The following MGAT4C variants were observed in gnomAD, a reference collection of about 807,000 sequenced individuals.
MGAT4C encodes the protein MGAT4 family member C.
In MGAT4C, 19 loss-of-function variants were observed where a neutral mutation model predicts 40.1. The observed-to-expected ratio is 0.47, with a 90% CI of 0.33 to 0.70. The LOEUF is 0.70. MGAT4C is among the 30% of genes least tolerant of loss of function. The probability of loss-of-function intolerance (pLI) is 0.02; values close to 1 mark genes in which losing one functional copy is unlikely to be tolerated. For synonymous variants in MGAT4C, 181 were observed against 187.1 expected (o/e 0.97, Z 0.27); for missense variants, 491 against 563.2 (o/e 0.87, Z 1.30).
intron 1 of MGAT4C, among the ~76,000 whole-genome samples, chr12:86,791,956 G>A (rs78055515): frequency 2.9e-3 from 439 of 152,244 alleles, no homozygotes; most frequent in African/African-American, 0.01. Context: ...GAGGGGAGAC[G>A]GGGCAAAATT....
At chr12:86,231,279 G>A (rs923021166) in intron 1 of MGAT4C, among the ~76,000 whole-genome samples, 1 of 152,144 alleles carries the variant, frequency 6.6e-6, no homozygotes, top group African/African-American at 2.4e-5. Flanking sequence ...AGCTAAAAGA[G>A]ATAACTTATC....
At chr12:86,579,628 T>C (rs964659993) in intron 2 of MGAT4C, among the ~76,000 whole-genome samples, 2 of 151,600 alleles carry the variant, frequency 1.3e-5, no homozygotes, top group Admixed American at 6.6e-5. Flanking sequence ...TTTTTCTGTG[T>C]ACTTACTATT....
rs139606603 is a variant in MGAT4C at position 86,506,395 on chromosome 12, T to C, written c.-228-71130A>G. 1.8e-3 allele frequency among the ~76,000 whole-genome samples: 268 copies of C among 152,294 alleles called. 1 individual carries two copies. The highest frequency in any genetic ancestry group is 2.8e-3 in the Non-Finnish European group (188 of 68,020). On this transcript the variant is annotated intron_variant, in intron 2 of 7. Transcript: ENST00000548651. ...GGAAATCAAAGAAAACCAGAAATTA[T>C]TGGCAGAGATTGGGAATTTCTGAAA...
chr12:86,322,365 A>C (rs936160698), intron 4 of MGAT4C, among the ~76,000 whole-genome samples: 1 of 151,876 alleles, frequency 6.6e-6, no homozygotes, highest in African/African-American at 2.4e-5. Context: ...TAGAACTTAA[A>C]GTAAAAAAAA....
intron 2 of MGAT4C, among the ~76,000 whole-genome samples, chr12:86,673,971 T>C (rs1462930800): frequency 6.6e-6 from 1 of 152,022 alleles, no homozygotes; most frequent in African/African-American, 2.4e-5. Flanking sequence ...TGATAAATGA[T>C]GGCATTGCAC....
At position 85,989,548 on chromosome 12, in the gene MGAT4C, C is replaced by A; in HGVS notation, c.-2G>T. On this transcript the variant is annotated 5_prime_UTR_variant, in exon 3 of 5. Transcript: ENST00000611864. ...TTTCATTTGATGAAATTTAAACATT[C>A]TCTTCTGTGGAAAAGAGACACAGAA... 3 of 1,592,576 alleles carry A rather than the reference C, an allele frequency of 1.9e-6. No individual in the cohort carries two copies. Among genetic ancestry groups the A allele is most frequent in the African/African-American group, 2.7e-5 (2 of 74,214 alleles).
At chr12:86,805,832 C>T (rs1486820429) in intron 1 of MGAT4C, among the ~76,000 whole-genome samples, 1 of 152,042 alleles carries the variant, frequency 6.6e-6, no homozygotes, top group Non-Finnish European at 1.5e-5. Flanking sequence ...AATTTACCTT[C>T]CCACCAGCAG....
chr12:86,641,780 A>G (rs1344966138), intron 2 of MGAT4C, among the ~76,000 whole-genome samples: 1 of 151,822 alleles, frequency 6.6e-6, no homozygotes, highest in Non-Finnish European at 1.5e-5. Flanking sequence ...GCAAAAAAGG[A>G]GTATAATATA....
In MGAT4C at chr12:86,833,190, C is replaced by T. The variant is rs1362922118; in HGVS notation, c.-262+5476G>A. Reference sequence around the variant, plus strand: ...GGAAATTTGATCAAACTTTGAAAGGCTTTGAAAGTCCTTGGATATCCTAGG... The same window carrying T: ...GGAAATTTGATCAAACTTTGAAAGGTTTTGAAAGTCCTTGGATATCCTAGG... On this transcript the variant is annotated intron_variant, in intron 1 of 7. Transcript: ENST00000548651. Among the ~76,000 whole-genome samples, 7 of 151,856 alleles carry T rather than the reference C, an allele frequency of 4.6e-5. No individual in the cohort carries two copies. The East Asian group carries it at 1.4e-3, about 30-fold the overall frequency.
intron 1 of MGAT4C, among the ~76,000 whole-genome samples, chr12:86,803,997 C>A (rs1952289407): frequency 7.9e-6 from 1 of 125,796 alleles, no homozygotes; most frequent in Non-Finnish European, 1.7e-5. Flanking sequence ...TTCACAATAG[C>A]AAAGACTTGG....
At chr12:86,562,368 C>A (rs1375394006) in intron 2 of MGAT4C, among the ~76,000 whole-genome samples, 2 of 152,072 alleles carry the variant, frequency 1.3e-5, no homozygotes, top group Admixed American at 6.5e-5. Context: ...TGGGACCCTG[C>A]CACTTGGAAT....
rs533724752 is a variant in MGAT4C at position 86,211,371 on chromosome 12, G to A, written c.-57+44868C>T. On this transcript the variant is annotated intron_variant, in intron 1 of 4. Coordinates refer to ENST00000611864, the MANE Select transcript of MGAT4C (RefSeq NM_001351288.2). The stretch of plus-strand genomic sequence containing the variant: ...AGGTCAAGAGATCAAGACCATCCTG[G>A]CTAACACAGTGAAACCCTGTCTCTA... Among the ~76,000 whole-genome samples the A allele has an allele frequency of 2.5e-5, 3 of 120,812 alleles. No individual in the cohort carries two copies. In the South Asian group the frequency reaches 8.8e-4, roughly 35 times the overall value. 79.3% of individuals were successfully genotyped at this position (120,812 alleles called of 152,430 possible). A position where few individuals can be genotyped will look rare whatever the true frequency, so the allele number is the denominator to read the frequency against.
chr12:86,727,483 C>T (rs1950841060), intron 1 of MGAT4C, among the ~76,000 whole-genome samples: 1 of 151,738 alleles, frequency 6.6e-6, no homozygotes, highest in African/African-American at 2.4e-5. Context: ...AGGAAATGTT[C>T]TCAGATTTAC....
chr12:86,690,449 C>G (rs1047800433), intron 2 of MGAT4C, among the ~76,000 whole-genome samples: 1 of 152,114 alleles, frequency 6.6e-6, no homozygotes, highest in Non-Finnish European at 1.5e-5. Flanking sequence ...GGTGTAGGCA[C>G]CCGAGAGAAT....
chr12:86,145,477 C>G (rs1359799425), intron 1 of MGAT4C, among the ~76,000 whole-genome samples: 1 of 152,148 alleles, frequency 6.6e-6, no homozygotes, highest in Non-Finnish European at 1.5e-5. Flanking sequence ...AGCAGATTCT[C>G]AAACCTTTCT....
In MGAT4C at chr12:86,762,870, A is replaced by AT. The variant is rs1226616078; in HGVS notation, c.-261-35630dup. ...ATGATGCTCAATGCTCCATTCTGCC[A>AT]TTTTCAAATGAAAAGCAAATACAAG... is the stretch of plus-strand genomic sequence containing the variant. On this transcript the variant is annotated intron_variant, in intron 1 of 7. Coordinates refer to the MGAT4C transcript ENST00000548651. 2.0e-5 allele frequency among the ~76,000 whole-genome samples: 3 copies of AT among 152,304 alleles called. No homozygotes were observed. The East Asian group carries it at 5.8e-4, about 29-fold the overall frequency.
intron 3 of MGAT4C, among the ~76,000 whole-genome samples, chr12:86,388,664 C>G (rs1275181486): frequency 2.0e-5 from 3 of 148,800 alleles, no homozygotes; most frequent in African/African-American, 7.5e-5. Context: ...ATAAACACTT[C>G]AGCGTTTTTT....
rs1037736489 is a variant in MGAT4C, at chr12:86,562,362, A to G, written c.-228-127097T>C. ...AGGGCACTGGTTGGAAAAGAATGGG[A>G]CCCTGCCACTTGGAATTGGGACAGG... is the stretch of plus-strand genomic sequence containing the variant. On this transcript the variant is annotated intron_variant, in intron 2 of 7. Transcript: ENST00000548651. Among the ~76,000 whole-genome samples, 21 of 152,048 alleles carry G rather than the reference A, an allele frequency of 1.4e-4. 1 individual carries two copies. The highest frequency in any genetic ancestry group is 6.8e-3 in the Middle Eastern group (2 of 294).
intron 2 of MGAT4C, among the ~76,000 whole-genome samples, chr12:86,650,438 G>A (rs1275978844): frequency 6.6e-6 from 1 of 151,832 alleles, no homozygotes; most frequent in Non-Finnish European, 1.5e-5. Context: ...CCTGTCTACA[G>A]CGCCAGAAAT....
Sources: allele counts gnomAD v4.1 joint callset (sites outside exome capture counted in the v4.1 genomes callset), GRCh38; gene constraint gnomAD v4.1.1; transcripts MANE v1.5; gene names NCBI Gene and HGNC (gene_info 2026-07-23, HGNC 2026-07-21).